Variants in OR51L1 observed in about 807,000 individuals in gnomAD.
OR51L1 encodes olfactory receptor family 51 subfamily L member 1, also known as olfactory receptor 51L1.
A neutral mutation model predicts 1.4 loss-of-function variants in OR51L1; 1 was observed. The observed-to-expected ratio is 0.72, with a 90% CI of 0.26 to 3.42. OR51L1 has a LOEUF of 3.42. OR51L1 is among the 30% of genes most tolerant of loss of function. OR51L1 has a pLI of 0.20. For missense variants in OR51L1, 378 were observed against 380.0 expected, an observed-to-expected ratio of 0.99 and a Z score of 0.04; for synonymous variants, 156 against 144.2, an observed-to-expected ratio of 1.08 and a Z score of -0.59.
rs1847136233 is a variant in OR51L1, at chr11:5,002,043, T to C, written c.*2113T>C. 1 of 152,144 alleles carries C rather than the reference T, an allele frequency of 6.6e-6. No homozygotes were observed. Among genetic ancestry groups the C allele is most frequent in the Non-Finnish European group, 1.5e-5 (1 of 68,022 alleles). The allele number at this position is 152,144 out of a possible 1,614,324, so 9.4% of individuals were successfully genotyped here. On this transcript the variant is annotated 3_prime_UTR_variant, in exon 3 of 3. Coordinates refer to ENST00000641819, the MANE Select transcript of OR51L1 (RefSeq NM_001004755.2). ...AGGATTTAAGAATCAGTAATCAGAG[T>C]AGTTGACACTTTCACTGTGCATTGT...
At position 4,999,733 on chromosome 11, in the gene OR51L1, C is replaced by T; in HGVS notation, c.751C>T (p.Leu251Phe). 6 of 1,613,942 alleles carry T rather than the reference C, an allele frequency of 3.7e-6. No individual in the cohort carries two copies. The highest frequency in any genetic ancestry group is 5.1e-6 in the Non-Finnish European group (6 of 1,179,944). ...NTCVSHICVV[L>F]IFFVPVIGVS... ...ATGTGTATCCCATATCTGTGTGGTG[C>T]TTATCTTCTTTGTGCCAGTTATTGG... is the stretch of plus-strand genomic sequence containing the variant. The change falls in exon 3 of 3, where the codon CTT (leucine) becomes TTT (phenylalanine). Residue 251 changes from leucine to phenylalanine, a missense_variant. Physicochemically the swap from Leu to Phe is conservative, Grantham distance 22. Coordinates refer to ENST00000641819, the MANE Select transcript of OR51L1 (RefSeq NM_001004755.2).
In OR51L1 at chr11:5,000,338, T is replaced by G; in HGVS notation, c.*408T>G. The G allele has an allele frequency of 6.1e-6, 1 of 162,604 alleles. No homozygotes were observed. The highest frequency in any genetic ancestry group is 1.7e-4 in the South Asian group (1 of 5,882). 10.1% of individuals were successfully genotyped at this position (162,604 alleles called of 1,614,324 possible). ...CAATCTCTATCTCTTTTACTAGTAC[T>G]GCTGCACGTATTTTGTTGTTCATGC... is the stretch of plus-strand genomic sequence containing the variant. On this transcript the variant is annotated 3_prime_UTR_variant, in exon 3 of 3. Transcript: ENST00000641819.
Position 5,004,932 on chromosome 11 carries a change from A to C in OR51L1, c.*5002A>C, listed in dbSNP as rs1320846651. On this transcript the variant is annotated 3_prime_UTR_variant, in exon 3 of 3. Transcript: ENST00000641819. ...AGTTCAGTCAGAACTATGTAAAAGA[A>C]AATAAAAATTGAAGGACCCCCCAAA... 6.6e-6 allele frequency: 1 copy of C among 152,194 alleles called. No homozygotes were observed. Among genetic ancestry groups the C allele is most frequent in the Non-Finnish European group, 1.5e-5 (1 of 68,036 alleles). 9.4% of individuals were successfully genotyped at this position (152,194 alleles called of 1,614,324 possible).
At position 5,000,278 on chromosome 11, in the gene OR51L1, T is replaced by C. The variant is rs539872107; in HGVS notation, c.*348T>C. The C allele has an allele frequency of 1.1e-5, 2 of 182,478 alleles. No individual in the cohort carries two copies. Among genetic ancestry groups the C allele is most frequent in the East Asian group, 2.9e-4 (2 of 6,954 alleles). 11.3% of individuals were successfully genotyped at this position (182,478 alleles called of 1,614,324 possible). A position where few individuals can be genotyped will look rare whatever the true frequency, so the allele number is the denominator to read the frequency against. On this transcript the variant is annotated 3_prime_UTR_variant, in exon 3 of 3. Transcript: ENST00000641819. ...CTTCTTAAATGTAGCTGTGTTTATA[T>C]TGTTTCTCATGTTAATTATCTAAAA...
chr11:4,997,300 G>A (rs983102720), intron 1 of OR51L1, among the ~76,000 whole-genome samples, 182 bp from the exon 2 acceptor site: 4 of 151,996 alleles, frequency 2.6e-5, no homozygotes, highest in South Asian at 2.1e-4. Flanking sequence ...CAGTCTTCAC[G>A]GTATGAAAGT....
At position 4,999,995 on chromosome 11, in the gene OR51L1, T is replaced by C; in HGVS notation, c.*65T>C. On this transcript the variant is annotated 3_prime_UTR_variant, in exon 3 of 3. Coordinates refer to ENST00000641819, the MANE Select transcript of OR51L1 (RefSeq NM_001004755.2). ...GGAAGCTGTTTTAGTATATGAAAAG[T>C]AAAATATCTGGGTGTTGCTCATCTG... The C allele has an allele frequency of 6.8e-7, 1 of 1,462,540 alleles. No homozygotes were observed. The highest frequency in any genetic ancestry group is 2.3e-5 in the Admixed American group (1 of 44,184). The allele number at this position is 1,462,540 out of a possible 1,614,324, so 90.6% of individuals were successfully genotyped here. A position where few individuals can be genotyped will look rare whatever the true frequency, so the allele number is the denominator to read the frequency against.
intron 1 of OR51L1, among the ~76,000 whole-genome samples, chr11:4,995,645 A>T (rs1191368056): frequency 6.6e-6 from 1 of 152,102 alleles, no homozygotes; most frequent in Non-Finnish European, 1.5e-5. Context: ...GGAATAGGTG[A>T]ATGTGTGACA....
chr11:4,999,399 C>G lies in OR51L1; in HGVS notation c.417C>G (p.Thr139=). 2 of 1,614,158 alleles carry G rather than the reference C, an allele frequency of 1.2e-6. No individual in the cohort carries two copies. The highest frequency in any genetic ancestry group is 1.7e-6 in the Non-Finnish European group (2 of 1,180,038). The part of the protein sequence containing the change: ...CHPLHYPTIL[T]NSVIGKIGLA... ...CACTGCACTACCCCACCATCCTCAC[C>G]AACAGTGTAATTGGCAAAATTGGTT... is the stretch of plus-strand genomic sequence containing the variant. The change falls in exon 3 of 3, where the codon ACC becomes ACG. Residue 139 remains threonine (T), a synonymous_variant. Coordinates refer to ENST00000641819, the MANE Select transcript of OR51L1 (RefSeq NM_001004755.2).
rs1233878862 is a variant in OR51L1, at chr11:4,996,687, CTT to C, written c.-261-791_-261-790del. On this transcript the variant is annotated intron_variant, in intron 1 of 2. Transcript: ENST00000641819. ...TCTTTTTCTTTTTTTCTCTTTCTTTCTTTTTCTTTCTTTTCCTTCCTTCCTTT... is the reference window on the plus strand; with the variant it reads ...TCTTTTTCTTTTTTTCTCTTTCTTTCTTTCTTTCTTTTCCTTCCTTCCTTT... Among the ~76,000 whole-genome samples, 980 of 147,274 alleles carry C rather than the reference CTT, an allele frequency of 6.7e-3. 8 individuals are homozygous for C. Among genetic ancestry groups the C allele is most frequent in the African/African-American group, 0.023 (907 of 39,558 alleles).
rs541713433 is a variant in OR51L1 at position 4,996,675 on chromosome 11, T to C, written c.-261-807T>C. On this transcript the variant is annotated intron_variant, in intron 1 of 2. Coordinates refer to ENST00000641819, the MANE Select transcript of OR51L1 (RefSeq NM_001004755.2). ...ACAGTTTTCTTTTCTTTTTCTTTTT[T>C]TCTCTTTCTTTCTTTTTCTTTCTTT... Among the ~76,000 whole-genome samples, 15 of 151,768 alleles carry C rather than the reference T, an allele frequency of 9.9e-5. No homozygotes were observed. The South Asian group carries it at 2.7e-3, about 27-fold the overall frequency.
At position 5,004,256 on chromosome 11, in the gene OR51L1, CCAAGG is replaced by C. The variant is rs1241777947; in HGVS notation, c.*4328_*4332del. On this transcript the variant is annotated 3_prime_UTR_variant, in exon 3 of 3. Transcript: ENST00000641819. ...GACACTTCTGTGGGGTATAGGTGAA[CCAAGG>C]CTGAGAGACTAAGATTCCTTTTCAG... is the stretch of plus-strand genomic sequence containing the variant. The C allele has an allele frequency of 1.3e-5, 2 of 152,122 alleles. No individual in the cohort carries two copies. The highest frequency in any genetic ancestry group is 1.3e-4 in the Admixed American group (2 of 15,250). The allele number at this position is 152,122 out of a possible 1,614,324, so 9.4% of individuals were successfully genotyped here. A position where few individuals can be genotyped will look rare whatever the true frequency, so the allele number is the denominator to read the frequency against.
chr11:5,001,781 G>T lies in OR51L1; in HGVS notation c.*1851G>T. 6.6e-6 allele frequency: 1 copy of T among 151,888 alleles called. No homozygotes were observed. The highest frequency in any genetic ancestry group is 1.9e-4 in the East Asian group (1 of 5,178). The allele number at this position is 151,888 out of a possible 1,614,324, so 9.4% of individuals were successfully genotyped here. A position where few individuals can be genotyped will look rare whatever the true frequency, so the allele number is the denominator to read the frequency against. On this transcript the variant is annotated 3_prime_UTR_variant, in exon 3 of 3. Transcript: ENST00000641819. Reference sequence around the variant, plus strand: ...TACCTTATCACAGCACTATACAGCTGGTCTTCCCCAACAATCATGAGTACT... The same window carrying T: ...TACCTTATCACAGCACTATACAGCTTGTCTTCCCCAACAATCATGAGTACT...
rs374542301 is a variant in OR51L1, at chr11:4,998,931, G to A, written c.-52G>A. On this transcript the variant is annotated 5_prime_UTR_variant, in exon 3 of 3. Transcript: ENST00000641819. ...AAAAGAGATAACTTTGAGGGATCAG[G>A]AAGGAAAACACGAACCATTCCTCAC... 5.0e-5 allele frequency: 79 copies of A among 1,565,584 alleles called. No individual in the cohort carries two copies. In the East Asian group the frequency reaches 6.8e-4, roughly 13 times the overall value.
chr11:5,000,154 A>G lies in OR51L1; in HGVS notation c.*224A>G. 2.4e-6 allele frequency: 1 copy of G among 423,134 alleles called. No homozygotes were observed. Among genetic ancestry groups the G allele is most frequent in the Non-Finnish European group, 4.2e-6 (1 of 240,204 alleles). The allele number at this position is 423,134 out of a possible 1,614,324, so 26.2% of individuals were successfully genotyped here. The stretch of plus-strand genomic sequence containing the variant: ...TTGTCCCCAGGTCATTACAAGACTT[A>G]TAATAGAAAATGTATGTGCTAAGTC... On this transcript the variant is annotated 3_prime_UTR_variant, in exon 3 of 3. Transcript: ENST00000641819.
At position 5,002,271 on chromosome 11, in the gene OR51L1, TAGAG is replaced by T. The variant is rs1189333502; in HGVS notation, c.*2344_*2347del. 6.6e-6 allele frequency: 1 copy of T among 152,192 alleles called. No individual in the cohort carries two copies. Among genetic ancestry groups the T allele is most frequent in the Non-Finnish European group, 1.5e-5 (1 of 68,024 alleles). The allele number at this position is 152,192 out of a possible 1,614,324, so 9.4% of individuals were successfully genotyped here. On this transcript the variant is annotated 3_prime_UTR_variant, in exon 3 of 3. Coordinates refer to ENST00000641819, the MANE Select transcript of OR51L1 (RefSeq NM_001004755.2). Reference sequence around the variant, plus strand: ...TATATCAGGACTTGAAATTTTTTCTTAGAGAGGAGGTGGTTAAACACTTACCAAC... The same window carrying T: ...TATATCAGGACTTGAAATTTTTTCTTAGGAGGTGGTTAAACACTTACCAAC...
chr11:5,001,991 A>G lies in OR51L1; in HGVS notation c.*2061A>G, dbSNP rs1005020650. ...AACAGGTACCTTTTATAATATTGATATATTAATAAGTGGTCAATTTCACTT... is the reference window on the plus strand; with the variant it reads ...AACAGGTACCTTTTATAATATTGATGTATTAATAAGTGGTCAATTTCACTT... On this transcript the variant is annotated 3_prime_UTR_variant, in exon 3 of 3. Coordinates refer to ENST00000641819, the MANE Select transcript of OR51L1 (RefSeq NM_001004755.2). 2.0e-5 allele frequency: 3 copies of G among 152,232 alleles called. No individual in the cohort carries two copies. The highest frequency in any genetic ancestry group is 2.9e-5 in the Non-Finnish European group (2 of 68,046). 9.4% of individuals were successfully genotyped at this position (152,232 alleles called of 1,614,324 possible).
In OR51L1 at chr11:4,995,175, G is replaced by T. The variant is rs1033748716; in HGVS notation, c.-422G>T. The T allele has an allele frequency of 6.6e-6, 1 of 152,028 alleles. No homozygotes were observed. The allele number at this position is 152,028 out of a possible 1,614,324, so 9.4% of individuals were successfully genotyped here. On this transcript the variant is annotated 5_prime_UTR_variant, in exon 1 of 3. Coordinates refer to ENST00000641819, the MANE Select transcript of OR51L1 (RefSeq NM_001004755.2). ...ATAAAATGAGATAAAGAGAGAAAAAGCCACAGACATAGGAACAGAAAGAAA... is the reference window on the plus strand; with the variant it reads ...ATAAAATGAGATAAAGAGAGAAAAATCCACAGACATAGGAACAGAAAGAAA...
rs1267025215 is a variant in OR51L1, at chr11:4,999,226, A to G, written c.244A>G (p.Thr82Ala). Residue 82 changes from threonine to alanine, a missense_variant, in exon 3 of 3, where the codon ACC becomes GCC. By Grantham distance (58) the Thr-to-Ala change is moderately conservative (BLOSUM62 0). Coordinates refer to ENST00000641819, the MANE Select transcript of OR51L1 (RefSeq NM_001004755.2). ...GGGGATGTCCCTGTCTACACTTCCC[A>G]CCATGCTTGCTGTGTTATGGTTGGA... ...DLGMSLSTLP[T>A]MLAVLWLDAP... The G allele has an allele frequency of 2.5e-6, 4 of 1,614,012 alleles. No homozygotes were observed. In the African/African-American group the frequency reaches 5.3e-5, roughly 22 times the overall value.
At position 5,001,954 on chromosome 11, in the gene OR51L1, T is replaced by C. The variant is rs1847135595; in HGVS notation, c.*2024T>C. ...GGTTAGTAAAATTAAGTGTAATCAA[T>C]GGTATTATTGGAACAGGTACCTTTT... On this transcript the variant is annotated 3_prime_UTR_variant, in exon 3 of 3. Transcript: ENST00000641819. 1 of 152,206 alleles carries C rather than the reference T, an allele frequency of 6.6e-6. No individual in the cohort carries two copies. Among genetic ancestry groups the C allele is most frequent in the Admixed American group, 6.5e-5 (1 of 15,280 alleles). The allele number at this position is 152,206 out of a possible 1,614,324, so 9.4% of individuals were successfully genotyped here. A position where few individuals can be genotyped will look rare whatever the true frequency, so the allele number is the denominator to read the frequency against.
Sources: allele counts gnomAD v4.1 joint callset (sites outside exome capture counted in the v4.1 genomes callset), GRCh38; gene constraint gnomAD v4.1.1; transcripts MANE v1.5; gene names NCBI Gene and HGNC (gene_info 2026-07-23, HGNC 2026-07-21).